The following TASP1 variants were observed in gnomAD, a reference collection of about 807,000 sequenced individuals.
TASP1 encodes the protein threonine aspartase 1.
TASP1 carries 16 observed loss-of-function variants against 56.6 expected under a neutral mutation model. The observed-to-expected ratio is 0.28, with a 90% CI of 0.19 to 0.43. The LOEUF is 0.43. TASP1 is among the 20% of genes least tolerant of loss of function. The pLI is 1.00. For synonymous variants in TASP1, 179 were observed against 184.2 expected (o/e 0.97, Z 0.23); for missense variants, 393 against 511.6 (o/e 0.77, Z 2.24).
At chr20:13,265,675 G>A in the TASP1 span, among the ~76,000 whole-genome samples, 3 of 152,168 alleles carry the variant, frequency 2.0e-5, no homozygotes, top group Non-Finnish European at 4.4e-5. Flanking sequence ...AATTGTGATA[G>A]TATTTGGTTG....
the TASP1 span, among the ~76,000 whole-genome samples, chr20:13,156,865 A>G: frequency 1.3e-5 from 2 of 152,186 alleles, no homozygotes; most frequent in Non-Finnish European, 2.9e-5. Context: ...CAAAATAATT[A>G]TTACAATTTT....
At chr20:13,210,189 C>G in the TASP1 span, among the ~76,000 whole-genome samples, 434 of 152,220 alleles carry the variant, frequency 2.9e-3, 4 homozygotes, top group African/African-American at 1.0e-2. Flanking sequence ...ACCATTAATT[C>G]TTTTCCATTG....
At chr20:13,199,880 C>T in the TASP1 span, among the ~76,000 whole-genome samples, 2 of 152,186 alleles carry the variant, frequency 1.3e-5, no homozygotes, top group African/African-American at 2.4e-5. Flanking sequence ...GTGCTGACTT[C>T]ACACCTTTTG....
At chr20:13,636,043 A>G (rs1447462005) in intron 1 of TASP1, among the ~76,000 whole-genome samples, 2 of 152,158 alleles carry the variant, frequency 1.3e-5, no homozygotes, top group African/African-American at 4.8e-5. Context: ...TGAAAAAGGA[A>G]GTAAGTCATG....
At chr20:13,249,159 A>G in the TASP1 span, among the ~76,000 whole-genome samples, 2 of 152,186 alleles carry the variant, frequency 1.3e-5, no homozygotes, top group Admixed American at 6.5e-5. Flanking sequence ...GGACACAAAG[A>G]TCTGGGGGGA....
chr20:13,594,031 A>G (rs1314080909), intron 4 of TASP1, among the ~76,000 whole-genome samples: 1 of 152,216 alleles, frequency 6.6e-6, no homozygotes, highest in Non-Finnish European at 1.5e-5. Flanking sequence ...AATATTTGCC[A>G]TTCTGCAATA....
intron 4 of TASP1, among the ~76,000 whole-genome samples, chr20:13,593,746 C>T (rs1437393645): frequency 1.3e-5 from 2 of 152,258 alleles, no homozygotes; most frequent in Non-Finnish European, 2.9e-5. Context: ...GGCCTACTGC[C>T]TCTACAAACT....
intron 7 of TASP1, among the ~76,000 whole-genome samples, chr20:13,567,622 G>C (rs776652895): frequency 6.6e-6 from 1 of 151,732 alleles, no homozygotes; most frequent in Non-Finnish European, 1.5e-5. Flanking sequence ...TGGGAATTAA[G>C]AGCTTCCTTC....
chr20:13,165,772 G>T, the TASP1 span: 2 of 152,072 alleles, frequency 1.3e-5, no homozygotes, highest in African/African-American at 4.8e-5. Context: ...CTTTAGAATC[G>T]ACTCCCAAGA....
At chr20:13,302,077 G>A in the TASP1 span, among the ~76,000 whole-genome samples, 2 of 152,204 alleles carry the variant, frequency 1.3e-5, no homozygotes, top group East Asian at 1.9e-4. Context: ...GATGAGCAGA[G>A]GAACAAGAGT....
At chr20:13,309,966 C>G in the TASP1 span, among the ~76,000 whole-genome samples, 1 of 152,056 alleles carries the variant, frequency 6.6e-6, no homozygotes, top group East Asian at 1.9e-4. Context: ...AAAAAATACT[C>G]TGTGTTTACG....
At chr20:13,298,092 A>T in the TASP1 span, among the ~76,000 whole-genome samples, 1 of 151,728 alleles carries the variant, frequency 6.6e-6, no homozygotes, top group Non-Finnish European at 1.5e-5. Context: ...TTTATTTTTT[A>T]TTTTTATTAT....
chr20:13,237,866 A>G, the TASP1 span: 1 of 152,154 alleles, frequency 6.6e-6, no homozygotes, highest in African/African-American at 2.4e-5. Flanking sequence ...CCAAATTAGA[A>G]TGAATGCAGG....
At chr20:13,430,305 T>G (rs890585623) in intron 12 of TASP1, among the ~76,000 whole-genome samples, 4 of 152,206 alleles carry the variant, frequency 2.6e-5, no homozygotes, top group Non-Finnish European at 5.9e-5. Flanking sequence ...ATTATCTCAG[T>G]TTCTGTGGGT....
At chr20:13,359,862 A>G in the TASP1 span, among the ~76,000 whole-genome samples, 27 of 151,854 alleles carry the variant, frequency 1.8e-4, no homozygotes, top group African/African-American at 2.4e-4. Context: ...CACAAGTATA[A>G]GATACCTCTA....
At chr20:13,377,806 G>A in the TASP1 span, among the ~76,000 whole-genome samples, 1 of 151,992 alleles carries the variant, frequency 6.6e-6, no homozygotes, top group Non-Finnish European at 1.5e-5. Flanking sequence ...TCTTGGGAGG[G>A]TGTATATGTC....
intron 10 of TASP1, among the ~76,000 whole-genome samples, chr20:13,503,513 A>G (rs6105119): frequency 0.61 from 93,282 of 152,004 alleles, 29,251 homozygotes; most frequent in Non-Finnish European, 0.68. Flanking sequence ...ACTGGAGGAC[A>G]TAATTGCTTC....
chr20:13,167,202 A>AT, the TASP1 span: 1 of 152,100 alleles, frequency 6.6e-6, no homozygotes, highest in South Asian at 2.1e-4. Flanking sequence ...GAGATTTTTA[A>AT]TTTTTTTAAG....
the TASP1 span, among the ~76,000 whole-genome samples, chr20:13,319,424 C>T: frequency 1.3e-5 from 2 of 152,116 alleles, no homozygotes; most frequent in African/African-American, 4.8e-5. Flanking sequence ...CACATTGCAT[C>T]TGAGTTTCAC....
Sources: allele counts gnomAD v4.1 joint callset (sites outside exome capture counted in the v4.1 genomes callset), GRCh38; gene constraint gnomAD v4.1.1; transcripts MANE v1.5; gene names NCBI Gene and HGNC (gene_info 2026-07-23, HGNC 2026-07-21).